Variants in DYNLRB1 observed in about 807,000 individuals in gnomAD.
DYNLRB1 encodes the protein ROBL/LC7-like 1.
In DYNLRB1, 6 loss-of-function variants were observed where a neutral mutation model predicts 13.5. The ratio of observed to expected loss-of-function variants is 0.44; its 90% confidence interval spans 0.24 to 0.88. DYNLRB1 has a LOEUF of 0.88. DYNLRB1 is among the 40% of genes least tolerant of loss of function. The pLI, the probability that DYNLRB1 is intolerant of heterozygous loss-of-function variation, is 0.21. For synonymous variants in DYNLRB1, 43 were observed against 45.0 expected (o/e 0.96, Z 0.18); for missense variants, 93 against 127.2 (o/e 0.73, Z 1.29).
chr20:34,521,688 T>A (rs1451172157), intron 1 of DYNLRB1, among the ~76,000 whole-genome samples: 7 of 152,194 alleles, frequency 4.6e-5, no homozygotes, highest in Admixed American at 4.6e-4. Context: ...TTGGGGAACC[T>A]TGTCTCCATC....
chr20:34,523,719 T>G (rs916359078), intron 1 of DYNLRB1, among the ~76,000 whole-genome samples: 1 of 152,244 alleles, frequency 6.6e-6, no homozygotes, highest in African/African-American at 2.4e-5. Context: ...ATTTATGTTT[T>G]ACTTCTTTTT....
rs1600552937 is a variant in DYNLRB1, at chr20:34,535,119, G to A, written c.247+324G>A. On this transcript the variant is annotated intron_variant, in intron 3 of 3. Transcript: ENST00000357156. Reference sequence around the variant, plus strand: ...GAGGGTGTGGCCAGGCCTGTCTGGGGCTGTCTGCAAAAGCTTCCCAGAAGA... The same window carrying A: ...GAGGGTGTGGCCAGGCCTGTCTGGGACTGTCTGCAAAAGCTTCCCAGAAGA... 1.9e-5 allele frequency: 19 copies of A among 985,170 alleles called. No individual in the cohort carries two copies. In the South Asian group the frequency reaches 7.0e-4, roughly 37 times the overall value. 61.0% of individuals were successfully genotyped at this position (985,170 alleles called of 1,614,324 possible).
intron 1 of DYNLRB1, among the ~76,000 whole-genome samples, chr20:34,517,259 T>C (rs747766907): frequency 7.2e-5 from 11 of 152,192 alleles, no homozygotes; most frequent in Non-Finnish European, 1.2e-4. Context: ...ATAAAAAAAT[T>C]GAAAAAAGAA....
chr20:34,529,297 A>G (rs552384619), intron 2 of DYNLRB1, among the ~76,000 whole-genome samples: 64 of 152,366 alleles, frequency 4.2e-4, no homozygotes, highest in South Asian at 2.9e-3. Context: ...TAATTTGTTC[A>G]GTGCTCTTAG....
chr20:34,536,031 A>T, intron 3 of DYNLRB1: 2 of 985,366 alleles, frequency 2.0e-6, no homozygotes, highest in Non-Finnish European at 2.4e-6. Context: ...GGCAGGAAAG[A>T]ACTATAGAGC....
At position 34,534,634 on chromosome 20, in the gene DYNLRB1, C is replaced by A; in HGVS notation, c.86C>A (p.Pro29His). Residue 29 changes from proline (P) to histidine (H), a missense_variant, in exon 3 of 4, where the codon CCC (proline) becomes CAC (histidine). By Grantham distance (77) the Pro-to-His change is moderately conservative (BLOSUM62 -2). Transcript: ENST00000357156. ...CCGTCTGCTCTCCCCTCAGGCATTC[C>A]CATCAAGAGCACCATGGACAACCCC... ...GIIVVNTEGI[P>H]IKSTMDNPTT... is the part of the protein sequence containing the mutation. 1 of 1,562,930 alleles carries A rather than the reference C, an allele frequency of 6.4e-7. No individual in the cohort carries two copies. Among genetic ancestry groups the A allele is most frequent in the Non-Finnish European group, 8.7e-7 (1 of 1,154,114 alleles).
intron 1 of DYNLRB1, 57 bp from the exon 2 acceptor site, chr20:34,526,211 T>G: frequency 9.5e-6 from 15 of 1,574,536 alleles, no homozygotes; most frequent in Non-Finnish European, 1.3e-5. Flanking sequence ...GCCTGGGGTA[T>G]GAGGAAGTTA....
At chr20:34,538,766 G>C (rs1005538032) in intron 3 of DYNLRB1, among the ~76,000 whole-genome samples, 1 of 152,226 alleles carries the variant, frequency 6.6e-6, no homozygotes, top group Non-Finnish European at 1.5e-5. Context: ...GAAGAACCAA[G>C]CTTTAGGCTT....
At chr20:34,534,494 C>CA (rs1980966201) in intron 2 of DYNLRB1, 134 bp from the exon 3 acceptor site, 1 of 1,146,346 alleles carries the variant, frequency 8.7e-7, no homozygotes, top group Admixed American at 3.0e-5. Flanking sequence ...CCATGCCTGT[C>CA]ACATAGCAAG....
In DYNLRB1 at chr20:34,540,182, C is replaced by T. The variant is rs969514577; in HGVS notation, c.248-399C>T. 2.6e-5 allele frequency among the ~76,000 whole-genome samples: 4 copies of T among 152,282 alleles called. No homozygotes were observed. In the South Asian group the frequency reaches 8.3e-4, roughly 32 times the overall value. On this transcript the variant is annotated intron_variant, in intron 3 of 3. Coordinates refer to ENST00000357156, the MANE Select transcript of DYNLRB1 (RefSeq NM_014183.4). ...AGCCCCACTAAATGATGGTTCTGGG[C>T]GTAGAGCCCTCCAGGTGGTTGGGAT... is the stretch of plus-strand genomic sequence containing the variant.
chr20:34,528,913 G>A lies in DYNLRB1; in HGVS notation c.79+2570G>A, dbSNP rs546589494. On this transcript the variant is annotated intron_variant, in intron 2 of 3. Coordinates refer to ENST00000357156, the MANE Select transcript of DYNLRB1 (RefSeq NM_014183.4). ...TCCTTGAGCCCGGGAGTTCAAGACT[G>A]CAGTTTGCTTCAAGGCTTCTTGCTC... 3.3e-4 allele frequency among the ~76,000 whole-genome samples: 50 copies of A among 152,164 alleles called. 1 individual carries two copies. Among genetic ancestry groups the A allele is most frequent in the Non-Finnish European group, 6.2e-4 (42 of 67,982 alleles).
At chr20:34,527,191 TG>T (rs1327134830) in intron 2 of DYNLRB1, among the ~76,000 whole-genome samples, 2 of 152,188 alleles carry the variant, frequency 1.3e-5, no homozygotes, top group Non-Finnish European at 2.9e-5. Flanking sequence ...TGAGTGCGCT[TG>T]GGTGCTTTCT....
At chr20:34,527,762 A>G (rs907502510) in intron 2 of DYNLRB1, among the ~76,000 whole-genome samples, 1 of 152,236 alleles carries the variant, frequency 6.6e-6, no homozygotes, top group African/African-American at 2.4e-5. Context: ...AAGAGGCTGC[A>G]GTGAGAGCCA....
chr20:34,519,199 G>T (rs1979513568), intron 1 of DYNLRB1, among the ~76,000 whole-genome samples: 1 of 152,038 alleles, frequency 6.6e-6, no homozygotes, highest in African/African-American at 2.4e-5. Context: ...TGGGATTATG[G>T]GCGTAAACCA....
chr20:34,533,738 G>A (rs1418823104), intron 2 of DYNLRB1: 2 of 154,774 alleles, frequency 1.3e-5, no homozygotes, highest in Non-Finnish European at 2.8e-5. Context: ...AGAATCACTT[G>A]AACCTGGGAG....
At chr20:34,535,556 C>T in intron 3 of DYNLRB1, 5 of 869,400 alleles carry the variant, frequency 5.8e-6, no homozygotes, top group Non-Finnish European at 6.9e-6. Flanking sequence ...CTCGCTCTCA[C>T]TCATGGACTG....
chr20:34,523,968 C>T (rs1979962400), intron 1 of DYNLRB1, among the ~76,000 whole-genome samples: 1 of 152,058 alleles, frequency 6.6e-6, no homozygotes, highest in Non-Finnish European at 1.5e-5. Flanking sequence ...CTTTCTTTCC[C>T]CTTTCTTTCT....
intron 1 of DYNLRB1, 174 bp downstream of exon 1, chr20:34,516,635 C>T: frequency 6.7e-7 from 1 of 1,497,286 alleles, no homozygotes; most frequent in Non-Finnish European, 8.9e-7. Flanking sequence ...GCGGAGGCCT[C>T]TAAAGCCTGA....
chr20:34,526,605 C>T (rs1980245325), intron 2 of DYNLRB1: 1 of 464,658 alleles, frequency 2.2e-6, no homozygotes, highest in Non-Finnish European at 3.9e-6. Context: ...TTCAGACCAG[C>T]CACCTCCAGT....
Sources: allele counts gnomAD v4.1 joint callset (sites outside exome capture counted in the v4.1 genomes callset), GRCh38; gene constraint gnomAD v4.1.1; transcripts MANE v1.5; gene names NCBI Gene and HGNC (gene_info 2026-07-23, HGNC 2026-07-21).